Variants in OR2A12 observed in about 807,000 individuals in gnomAD.
The protein encoded by OR2A12 is olfactory receptor 2A12.
For missense variants in OR2A12, 380 were observed against 372.5 expected (o/e 1.02, Z -0.17); for synonymous variants, 153 against 149.3 (o/e 1.02, Z -0.18).
intron 1 of OR2A12, among the ~76,000 whole-genome samples, chr7:144,093,614 C>T (rs1016909639): frequency 2.6e-4 from 39 of 149,186 alleles, no homozygotes; most frequent in African/African-American, 9.6e-4. Flanking sequence ...TCTCCTAATG[C>T]TATCCCTCCC....
intron 1 of OR2A12, among the ~76,000 whole-genome samples, chr7:144,089,918 T>C (rs993139472): frequency 2.6e-5 from 4 of 152,220 alleles, no homozygotes; most frequent in African/African-American, 9.6e-5. Context: ...TGTTTTCATA[T>C]ATTCGATTCA....
In OR2A12 at chr7:144,097,540, C is replaced by T. The variant is rs1288574080; in HGVS notation, c.*1500C>T. The T allele has an allele frequency of 1.3e-5, 2 of 152,104 alleles. No homozygotes were observed. Among genetic ancestry groups the T allele is most frequent in the Non-Finnish European group, 2.9e-5 (2 of 68,022 alleles). The allele number at this position is 152,104 out of a possible 1,614,324, so 9.4% of individuals were successfully genotyped here. On this transcript the variant is annotated 3_prime_UTR_variant, in exon 2 of 2. Coordinates refer to ENST00000641592, the MANE Select transcript of OR2A12 (RefSeq NM_001004135.2). ...TTAAAATTCAAGGGACCAAGGCTAG[C>T]TCAAACTCTATTAAAAGAGAAAGAG...
chr7:144,087,409 C>G (rs2051194633), intron 1 of OR2A12, among the ~76,000 whole-genome samples: 1 of 152,146 alleles, frequency 6.6e-6, no homozygotes, highest in South Asian at 2.1e-4. Flanking sequence ...TTGTCTTCAT[C>G]TTATGGAAAC....
chr7:144,093,992 G>A (rs1369637236), intron 1 of OR2A12, among the ~76,000 whole-genome samples: 7 of 152,108 alleles, frequency 4.6e-5, no homozygotes, highest in African/African-American at 1.7e-4. Context: ...AAACCACAAT[G>A]AGATACTGTT....
Position 144,096,236 on chromosome 7 carries a change from CCTGAGGT to C in OR2A12, c.*198_*204del. 2.1e-6 allele frequency: 1 copy of C among 465,542 alleles called. No homozygotes were observed. The highest frequency in any genetic ancestry group is 3.8e-6 in the Non-Finnish European group (1 of 264,124). 28.8% of individuals were successfully genotyped at this position (465,542 alleles called of 1,614,324 possible). A position where few individuals can be genotyped will look rare whatever the true frequency, so the allele number is the denominator to read the frequency against. Reference sequence around the variant, plus strand: ...TTGGGAGGCTGACCTGGGCGGATTACCTGAGGTCAGGAGTTCGAGACCAGCCTAACCA... The same window carrying C: ...TTGGGAGGCTGACCTGGGCGGATTACCAGGAGTTCGAGACCAGCCTAACCA... On this transcript the variant is annotated 3_prime_UTR_variant, in exon 2 of 2. Transcript: ENST00000641592.
intron 1 of OR2A12, among the ~76,000 whole-genome samples, chr7:144,093,607 C>T (rs2051241089): frequency 1.3e-5 from 2 of 150,772 alleles, no homozygotes; most frequent in East Asian, 2.0e-4. Flanking sequence ...AGGTATATCT[C>T]CTAATGCTAT....
At chr7:144,091,498 TTC>T (rs2051227885) in intron 1 of OR2A12, among the ~76,000 whole-genome samples, 1 of 152,244 alleles carries the variant, frequency 6.6e-6, no homozygotes, top group Admixed American at 6.5e-5. Context: ...GTGTTCCCTT[TTC>T]TCTCTGCAGC....
rs1295860827 is a variant in OR2A12 at position 144,097,813 on chromosome 7, TG to T, written c.*1774del. 5.9e-5 allele frequency: 9 copies of T among 152,326 alleles called. No homozygotes were observed. Among genetic ancestry groups the T allele is most frequent in the Admixed American group, 5.9e-4 (9 of 15,296 alleles). The allele number at this position is 152,326 out of a possible 1,614,324, so 9.4% of individuals were successfully genotyped here. Reference sequence around the variant, plus strand: ...AGTCTTTATAAAGATATTCAAATCATGCAGAAAATTCAACTTCTGGTGTATT... The same window carrying T: ...AGTCTTTATAAAGATATTCAAATCATCAGAAAATTCAACTTCTGGTGTATT... On this transcript the variant is annotated 3_prime_UTR_variant, in exon 2 of 2. Transcript: ENST00000641592.
chr7:144,091,217 C>T (rs528100848), intron 1 of OR2A12, among the ~76,000 whole-genome samples: 1 of 152,068 alleles, frequency 6.6e-6, no homozygotes, highest in Admixed American at 6.6e-5. Flanking sequence ...ATGGTGAAAC[C>T]CTGTTTCTAC....
chr7:144,088,901 A>T (rs541936502), intron 1 of OR2A12, among the ~76,000 whole-genome samples: 13 of 152,270 alleles, frequency 8.5e-5, no homozygotes, highest in African/African-American at 3.1e-4. Context: ...TTCTTCTTCG[A>T]AGAACACCAA....
chr7:144,095,522 G>T lies in OR2A12; in HGVS notation c.415G>T (p.Val139Leu), dbSNP rs771181892. The change falls in exon 2 of 2, where the codon GTG becomes TTG. Residue 139 changes from valine to leucine, a missense_variant. Coordinates refer to ENST00000641592, the MANE Select transcript of OR2A12 (RefSeq NM_001004135.2). ...ATACACCCTCATTATGAACTGGAGA[G>T]TGTGCACTGTCCTGGCCTCAACTTG... The part of the protein sequence containing the change: ...LQYTLIMNWR[V>L]CTVLASTCWI... The T allele has an allele frequency of 1.9e-6, 3 of 1,614,134 alleles. No individual in the cohort carries two copies. The South Asian group carries it at 3.3e-5, about 18-fold the overall frequency.
In OR2A12 at chr7:144,095,772, T is replaced by G. The variant is rs751523728; in HGVS notation, c.665T>G (p.Val222Gly). ...LVLVSYLHIL[V>G]AILRIQSGEG... ...CTGGTCTCCTACTTGCACATCCTGG[T>G]GGCCATCTTGAGGATCCAGTCTGGG... The change falls in exon 2 of 2, where the codon GTG (valine) becomes GGG (glycine). Residue 222 changes from valine (V) to glycine (G), a missense_variant. Val to Gly is a moderately radical substitution (Grantham distance 109). Transcript: ENST00000641592. 10 of 1,614,024 alleles carry G rather than the reference T, an allele frequency of 6.2e-6. No homozygotes were observed. The South Asian group carries it at 7.7e-5, about 12-fold the overall frequency.
rs1308198333 is a variant in OR2A12, at chr7:144,097,853, T to G, written c.*1813T>G. The G allele has an allele frequency of 6.6e-6, 1 of 152,154 alleles. No homozygotes were observed. The highest frequency in any genetic ancestry group is 1.5e-5 in the Non-Finnish European group (1 of 68,014). The allele number at this position is 152,154 out of a possible 1,614,324, so 9.4% of individuals were successfully genotyped here. On this transcript the variant is annotated 3_prime_UTR_variant, in exon 2 of 2. Transcript: ENST00000641592. ...TTCTGGTGTATTCAAGATTTAAGTG[T>G]CAAAGGCAGAACTCTAAAGCTTTTA...
chr7:144,095,667 C>T lies in OR2A12; in HGVS notation c.560C>T (p.Ala187Val), dbSNP rs750120379. Reference sequence around the variant, plus strand: ...CAAATCATGTCCGTATTCAAATTGGCCTGTGCTGACACTAGGCTCAACCAG... The same window carrying T: ...CAAATCATGTCCGTATTCAAATTGGTCTGTGCTGACACTAGGCTCAACCAG... Reference protein sequence around the residue: ...FCQIMSVFKLACADTRLNQVV... With the variant: ...FCQIMSVFKLVCADTRLNQVV... The change falls in exon 2 of 2, where the codon GCC becomes GTC. Residue 187 changes from alanine to valine, a missense_variant. Physicochemically the swap from Ala to Val is moderately conservative, Grantham distance 64. Coordinates refer to ENST00000641592, the MANE Select transcript of OR2A12 (RefSeq NM_001004135.2). 21 of 1,613,964 alleles carry T rather than the reference C, an allele frequency of 1.3e-5. No homozygotes were observed. Among genetic ancestry groups the T allele is most frequent in the Admixed American group, 5.0e-5 (3 of 59,996 alleles).
intron 1 of OR2A12, among the ~76,000 whole-genome samples, chr7:144,092,354 T>A (rs2051232996): frequency 6.6e-6 from 1 of 152,188 alleles, no homozygotes; most frequent in African/African-American, 2.4e-5. Context: ...TTTTGTTTCA[T>A]ATGAGTTTTA....
intron 1 of OR2A12, among the ~76,000 whole-genome samples, chr7:144,090,852 AG>A (rs2051222704): frequency 1.3e-5 from 2 of 152,224 alleles, no homozygotes; most frequent in Admixed American, 1.3e-4. Flanking sequence ...GTTCCTACAA[AG>A]GACATGATCT....
intron 1 of OR2A12, among the ~76,000 whole-genome samples, chr7:144,093,886 A>G (rs2051243306): frequency 6.6e-6 from 1 of 151,900 alleles, no homozygotes; most frequent in Non-Finnish European, 1.5e-5. Flanking sequence ...ATTGTTGGAC[A>G]TTTGGGTTGG....
In OR2A12 at chr7:144,097,186, T is replaced by C. The variant is rs574403920; in HGVS notation, c.*1146T>C. On this transcript the variant is annotated 3_prime_UTR_variant, in exon 2 of 2. Transcript: ENST00000641592. ...TTAAAGTAGCTTGATACAAAATCAATATAAAAATATATTATATTTTTAAAG... is the reference window on the plus strand; with the variant it reads ...TTAAAGTAGCTTGATACAAAATCAACATAAAAATATATTATATTTTTAAAG... The C allele has an allele frequency of 3.2e-4, 48 of 152,084 alleles. No homozygotes were observed. Among genetic ancestry groups the C allele is most frequent in the African/African-American group, 1.0e-3 (43 of 41,506 alleles). The allele number at this position is 152,084 out of a possible 1,614,324, so 9.4% of individuals were successfully genotyped here.
rs1225366381 is a variant in OR2A12 at position 144,097,429 on chromosome 7, C to G, written c.*1389C>G. ...ACATAATATTACAAAGATTCAATCT[C>G]CTTAAATTGATTATTAGATTTAATA... On this transcript the variant is annotated 3_prime_UTR_variant, in exon 2 of 2. Coordinates refer to ENST00000641592, the MANE Select transcript of OR2A12 (RefSeq NM_001004135.2). 2 of 152,100 alleles carry G rather than the reference C, an allele frequency of 1.3e-5. No homozygotes were observed. Among genetic ancestry groups the G allele is most frequent in the African/African-American group, 4.8e-5 (2 of 41,400 alleles). 9.4% of individuals were successfully genotyped at this position (152,100 alleles called of 1,614,324 possible).
Sources: gnomAD v4.1 joint callset for allele counts (sites outside exome capture counted in the v4.1 genomes callset) on GRCh38, gnomAD v4.1.1 for gene constraint, MANE v1.5 for transcripts, NCBI Gene and HGNC (gene_info 2026-07-23, HGNC 2026-07-21) for gene names.